Variants in MATR3 observed in about 807,000 individuals in gnomAD.
MATR3 encodes the protein matrin-3.
A neutral mutation model predicts 85.5 loss-of-function variants in MATR3; 4 were observed. The observed-to-expected ratio is 0.05, with a 90% CI of 0.02 to 0.11. The LOEUF is 0.11. MATR3 is among the 10% of genes least tolerant of loss of function. MATR3 has a pLI of 1.00. For synonymous variants in MATR3, 336 were observed against 343.1 expected (o/e 0.98, Z 0.23); for missense variants, 685 against 1,016.1 (o/e 0.67, Z 4.43).
chr5:139,281,356 G>GTTTT (rs1371325133), intron 3 of MATR3, among the ~76,000 whole-genome samples: 13 of 101,036 alleles, frequency 1.3e-4, no homozygotes, highest in East Asian at 3.0e-4. Flanking sequence ...TTTTTTTTTT[G>GTTTT]TTTTTTTTTT....
intron 12 of MATR3, chr5:139,325,226 C>G: frequency 6.5e-7 from 1 of 1,529,644 alleles, no homozygotes; most frequent in Non-Finnish European, 8.8e-7. Flanking sequence ...ATCCGTTTCC[C>G]TTCAAGTAAA....
intron 1 of MATR3, chr5:139,294,042 G>C (rs1173424930): frequency 8.0e-7 from 1 of 1,245,952 alleles, no homozygotes; most frequent in Non-Finnish European, 1.0e-6. Context: ...AGCGGTCCGG[G>C]AGGGAAACAC....
At chr5:139,286,195 A>G (rs150590280) in intron 3 of MATR3, among the ~76,000 whole-genome samples, 1 of 152,158 alleles carries the variant, frequency 6.6e-6, no homozygotes, top group Admixed American at 6.5e-5. Flanking sequence ...TCTGTTTTTA[A>G]GTAGCCTTAA....
Position 139,322,917 on chromosome 5 carries a change from G to C in MATR3, c.2098G>C (p.Val700Leu). 6.2e-7 allele frequency: 1 copy of C among 1,613,686 alleles called. No homozygotes were observed. Among genetic ancestry groups the C allele is most frequent in the Non-Finnish European group, 8.5e-7 (1 of 1,179,912 alleles). ...GAAAAAGGAACCATCAGATAAAGCT[G>C]TGAAAAAAGATGGAAGTGCTTCAGC... ...DGKKEPSDKA[V>L]KKDGSASAAA... The change falls in exon 12 of 15, where the codon GTG (valine) becomes CTG (leucine). Residue 700 changes from valine to leucine, a missense_variant. By Grantham distance (32) the Val-to-Leu change is conservative. Around this residue, in one of 9 missense-constraint regions of MATR3, gnomAD observed 215 missense variants for 194.7 expected, o/e 1.10. Transcript: ENST00000394805.
In MATR3 at chr5:139,318,979, A is replaced by T; in HGVS notation, c.1380A>T (p.Leu460Phe). The T allele has an allele frequency of 6.2e-7, 1 of 1,613,948 alleles. No homozygotes were observed. The highest frequency in any genetic ancestry group is 8.5e-7 in the Non-Finnish European group (1 of 1,179,760). The change falls in exon 8 of 15, where the codon TTA becomes TTT. Residue 460 changes from leucine (L) to phenylalanine (F), a missense_variant. By Grantham distance (22) the Leu-to-Phe change is conservative. Around this residue, in one of 9 missense-constraint regions of MATR3, gnomAD observed 32 missense variants for 88.0 expected, o/e 0.36. Transcript: ENST00000394805. ...AVDYYTTTPA[L>F]VFGKPVRVHL... ...ATTATTACACAACCACACCAGCGTT[A>T]GTATTTGGCAAGCCAGTGAGAGTTC...
In MATR3 at chr5:139,322,762, C is replaced by T; in HGVS notation, c.1943C>T (p.Pro648Leu). The T allele has an allele frequency of 6.2e-7, 1 of 1,614,120 alleles. No individual in the cohort carries two copies. Among genetic ancestry groups the T allele is most frequent in the East Asian group, 2.2e-5 (1 of 44,884 alleles). ...DTKDDQTEQE[P>L]NMLLESEDEL... is the part of the protein sequence containing the mutation. ...AAGGATGACCAGACAGAGCAGGAAC[C>T]TAATATGCTTCTTGAATCTGAAGAT... Residue 648 changes from proline to leucine, a missense_variant, in exon 12 of 15, where the codon CCT (proline) becomes CTT (leucine). Physicochemically the swap from Pro to Leu is moderately conservative, Grantham distance 98 (BLOSUM62 -3). Transcript: ENST00000394805.
At chr5:139,293,829 C>A in intron 1 of MATR3, 24 bp downstream of exon 1, 1 of 425,058 alleles carries the variant, frequency 2.4e-6, no homozygotes. Context: ...GGGTAAGAGT[C>A]GGGGTCGGGT....
intron 1 of MATR3, among the ~76,000 whole-genome samples, chr5:139,302,759 ATTG>A (rs1328208841): frequency 1.3e-5 from 2 of 152,214 alleles, no homozygotes; most frequent in Admixed American, 6.5e-5. Context: ...CTAAATTGGT[ATTG>A]TTGATTGCTA....
rs566702274 is a variant in MATR3, at chr5:139,300,413, T to C, written c.-178+6608T>C. 5.3e-5 allele frequency among the ~76,000 whole-genome samples: 8 copies of C among 152,330 alleles called. No homozygotes were observed. The South Asian group carries it at 1.5e-3, about 28-fold the overall frequency. ...TTTAAGTCTGTTTTTGAAAGCTGAT[T>C]CCTGGTGACCAGTATGACATTAAAG... On this transcript the variant is annotated intron_variant, in intron 1 of 14. Coordinates refer to ENST00000394805, the MANE Select transcript of MATR3 (RefSeq NM_018834.6).
At chr5:139,295,265 G>A (rs142970670) in intron 1 of MATR3, among the ~76,000 whole-genome samples, 1 of 152,038 alleles carries the variant, frequency 6.6e-6, no homozygotes, top group African/African-American at 2.4e-5. Flanking sequence ...TGACATTTTC[G>A]TTGCAAAAAC....
chr5:139,308,399 A>C (rs1293950573), intron 2 of MATR3, 72 bp downstream of exon 2: 4 of 1,549,270 alleles, frequency 2.6e-6, no homozygotes, highest in East Asian at 2.2e-5. Context: ...CTTTGACTCT[A>C]ATTCTGTAGT....
At chr5:139,276,421 C>T (rs763659035) in intron 2 of MATR3, 5 of 325,698 alleles carry the variant, frequency 1.5e-5, no homozygotes, top group African/African-American at 1.1e-4. Flanking sequence ...GTAACACTAA[C>T]GATAACTGAT....
intron 7 of MATR3, among the ~76,000 whole-genome samples, chr5:139,318,704 C>T (rs1273579948): frequency 1.3e-5 from 2 of 152,244 alleles, no homozygotes; most frequent in African/African-American, 2.4e-5. Flanking sequence ...CTCGGCCTCC[C>T]GAAGTGTTGG....
intron 1 of MATR3, among the ~76,000 whole-genome samples, chr5:139,296,873 C>A (rs1446229593): frequency 6.6e-6 from 1 of 152,168 alleles, no homozygotes; most frequent in African/African-American, 2.4e-5. Context: ...ACACTTCTGG[C>A]AACAGGTTCT....
intron 2 of MATR3, chr5:139,276,273 C>G: frequency 2.2e-6 from 1 of 453,348 alleles, no homozygotes; most frequent in Non-Finnish European, 4.5e-6. Flanking sequence ...GCATTCTGGC[C>G]CTGGTTCATG....
chr5:139,281,643 C>T (rs917525121), intron 3 of MATR3, among the ~76,000 whole-genome samples: 1 of 152,098 alleles, frequency 6.6e-6, no homozygotes, highest in African/African-American at 2.4e-5. Context: ...TGAGCTACCA[C>T]ACCCAGCCGA....
intron 1 of MATR3, among the ~76,000 whole-genome samples, chr5:139,295,212 A>G (rs998670732): frequency 6.6e-6 from 1 of 152,250 alleles, no homozygotes; most frequent in Non-Finnish European, 1.5e-5. Flanking sequence ...TACGCAGTCT[A>G]TCGACGTTTT....
chr5:139,295,905 C>G (rs1007378724), intron 1 of MATR3, among the ~76,000 whole-genome samples: 2 of 151,920 alleles, frequency 1.3e-5, no homozygotes, highest in African/African-American at 4.8e-5. Context: ...CTCACAGCAG[C>G]CTCGACCTCC....
chr5:139,308,464 TTTGGAAGGTAA>T, intron 2 of MATR3, 137 bp downstream of exon 2: 2 of 1,029,706 alleles, frequency 1.9e-6, no homozygotes, highest in Non-Finnish European at 3.0e-6. Flanking sequence ...ACTTACTTTA[TTTGGAAGGTAA>T]TTGTTTTTGA....
Sources: allele counts gnomAD v4.1 joint callset (sites outside exome capture counted in the v4.1 genomes callset), GRCh38; gene constraint gnomAD v4.1.1; regional missense constraint gnomAD v4.1.1; transcripts MANE v1.5; gene names NCBI Gene and HGNC (gene_info 2026-07-23, HGNC 2026-07-21).